Variants in IGSF21 observed in about 807,000 individuals in gnomAD.
IGSF21 encodes immunoglobin superfamily member 21.
IGSF21 carries 28 observed loss-of-function variants against 46.8 expected under a neutral mutation model. The ratio of observed to expected loss-of-function variants is 0.60; its 90% CI spans 0.44 to 0.82. The LOEUF (loss-of-function observed/expected upper bound fraction) is 0.82. Among genes scored for constraint, IGSF21 ranks in the 40% least tolerant of loss-of-function variants. The probability of loss-of-function intolerance (pLI) is 0.00; values close to 1 mark genes in which losing one functional copy is unlikely to be tolerated. For missense variants in IGSF21, 624 were observed against 665.5 expected (o/e 0.94, Z 0.69); for synonymous variants, 284 against 273.6 (o/e 1.04, Z -0.38).
chr1:18,289,971 G>A (rs2124563943), intron 2 of IGSF21, among the ~76,000 whole-genome samples: 1 of 152,332 alleles, frequency 6.6e-6, no homozygotes, highest in East Asian at 1.9e-4. Flanking sequence ...CCCAGGCTGG[G>A]ACATTGGGAT....
chr1:18,253,434 T>C (rs1180099120), intron 2 of IGSF21, among the ~76,000 whole-genome samples: 1 of 152,200 alleles, frequency 6.6e-6, no homozygotes, highest in Non-Finnish European at 1.5e-5. Context: ...CCACAGCCCA[T>C]CAGCCTTGCA....
At chr1:18,233,481 G>C (rs373285478) in intron 2 of IGSF21, among the ~76,000 whole-genome samples, 2 of 152,166 alleles carry the variant, frequency 1.3e-5, no homozygotes, top group Non-Finnish European at 2.9e-5. Flanking sequence ...TTTGACCTTG[G>C]GTGGTGACCT....
rs1273316524 is a variant in IGSF21 at position 18,325,795 on chromosome 1, C to T, written c.306-9097C>T. Among the ~76,000 whole-genome samples the T allele has an allele frequency of 2.6e-5, 4 of 152,184 alleles. No individual in the cohort carries two copies. In the East Asian group the frequency reaches 7.7e-4, roughly 29 times the overall value. ...TCTGCCAGCTACCACAAATGCTACC[C>T]CCAGTAGCTAATCTATTCCCCAGTC... is the stretch of plus-strand genomic sequence containing the variant. On this transcript the variant is annotated intron_variant, in intron 3 of 9. Coordinates refer to ENST00000251296, the MANE Select transcript of IGSF21 (RefSeq NM_032880.5).
chr1:18,276,502 C>G (rs1477516820), intron 2 of IGSF21, among the ~76,000 whole-genome samples: 2 of 152,190 alleles, frequency 1.3e-5, no homozygotes, highest in Admixed American at 1.3e-4. Context: ...TCCGCCAATT[C>G]TATTGGTCAA....
intron 4 of IGSF21, among the ~76,000 whole-genome samples, chr1:18,355,180 C>G (rs866675929): frequency 6.6e-6 from 1 of 152,178 alleles, no homozygotes; most frequent in Admixed American, 6.5e-5. Flanking sequence ...AACTCTAGTA[C>G]TCACAGTTTG....
intron 2 of IGSF21, among the ~76,000 whole-genome samples, chr1:18,242,083 G>A (rs1444066673): frequency 1.4e-5 from 2 of 144,674 alleles, no homozygotes; most frequent in African/African-American, 2.9e-5. Context: ...CCATCTGTCT[G>A]CAGTAGTGCT....
intron 1 of IGSF21, among the ~76,000 whole-genome samples, chr1:18,160,028 C>T (rs1201863458): frequency 1.3e-5 from 2 of 152,152 alleles, no homozygotes; most frequent in African/African-American, 4.8e-5. Context: ...GTACAGCTTC[C>T]CAATGAACAT....
At chr1:18,184,500 T>C (rs2124471431) in intron 1 of IGSF21, among the ~76,000 whole-genome samples, 1 of 152,336 alleles carries the variant, frequency 6.6e-6, no homozygotes, top group East Asian at 1.9e-4. Context: ...TCGAATGAGA[T>C]TCAAATGAGA....
chr1:18,340,481 G>A (rs996078818), intron 4 of IGSF21, among the ~76,000 whole-genome samples: 2 of 152,186 alleles, frequency 1.3e-5, no homozygotes, highest in African/African-American at 2.4e-5. Flanking sequence ...CAGGTGCCAG[G>A]CACAATTCTA....
At chr1:18,192,944 G>A (rs1173383445) in intron 1 of IGSF21, among the ~76,000 whole-genome samples, 1 of 152,092 alleles carries the variant, frequency 6.6e-6, no homozygotes, top group Non-Finnish European at 1.5e-5. Flanking sequence ...CCCTGGCGCT[G>A]AGGATCTGGG....
intron 2 of IGSF21, among the ~76,000 whole-genome samples, chr1:18,287,206 T>G (rs2085222386): frequency 7.1e-6 from 1 of 140,318 alleles, no homozygotes; most frequent in Non-Finnish European, 1.5e-5. Flanking sequence ...AATAAATAAA[T>G]AAATAAAAAT....
chr1:18,187,887 A>G (rs1405021019), intron 1 of IGSF21, among the ~76,000 whole-genome samples: 1 of 152,184 alleles, frequency 6.6e-6, no homozygotes, highest in Middle Eastern at 3.2e-3. Flanking sequence ...GTAAGCGGAC[A>G]CTCAGAATGT....
At chr1:18,359,441 A>AGGAAGG (rs1375457842) in intron 4 of IGSF21, among the ~76,000 whole-genome samples, 1 of 141,446 alleles carries the variant, frequency 7.1e-6, no homozygotes, top group Admixed American at 7.1e-5. Context: ...GAAGGAAGGA[A>AGGAAGG]AAGAGAAAGA....
intron 1 of IGSF21, chr1:18,110,071 C>G (rs994453100): frequency 2.0e-5 from 3 of 152,210 alleles, no homozygotes; most frequent in African/African-American, 7.2e-5. Context: ...CATCCTGACG[C>G]CTCAAATCCC....
intron 1 of IGSF21, among the ~76,000 whole-genome samples, chr1:18,195,911 A>T (rs1416804787): frequency 6.6e-6 from 1 of 152,178 alleles, no homozygotes; most frequent in East Asian, 1.9e-4. Context: ...TATGGGAGGG[A>T]GGCAGAGAAG....
chr1:18,231,526 A>G (rs2084625440), intron 2 of IGSF21, among the ~76,000 whole-genome samples: 1 of 152,212 alleles, frequency 6.6e-6, no homozygotes, highest in Non-Finnish European at 1.5e-5. Flanking sequence ...GAATAGACTC[A>G]AGGAAGTATG....
rs377338601 is a variant in IGSF21 at position 18,307,122 on chromosome 1, A to C, written c.305+15135A>C. ...TTGATTACATATTTCCTTCCTTGAC[A>C]GGGCATTTGTTTGGCCATGTCTTGT... On this transcript the variant is annotated intron_variant, in intron 3 of 9. Coordinates refer to ENST00000251296, the MANE Select transcript of IGSF21 (RefSeq NM_032880.5). 7.1e-4 allele frequency among the ~76,000 whole-genome samples: 107 copies of C among 150,528 alleles called. 2 individuals are homozygous for C. The South Asian group carries it at 0.021, about 30-fold the overall frequency.
At chr1:18,178,085 C>T (rs917708322) in intron 1 of IGSF21, among the ~76,000 whole-genome samples, 7 of 151,348 alleles carry the variant, frequency 4.6e-5, no homozygotes, top group Admixed American at 2.6e-4. Flanking sequence ...GAAAGGAAGG[C>T]GGGGAAGTGG....
At chr1:18,358,694 C>T (rs932937221) in intron 4 of IGSF21, among the ~76,000 whole-genome samples, 2 of 152,254 alleles carry the variant, frequency 1.3e-5, no homozygotes, top group African/African-American at 2.4e-5. Context: ...TTTCAAAACA[C>T]TTTGCAGGCA....
Sources: gnomAD v4.1 joint callset for allele counts (sites outside exome capture counted in the v4.1 genomes callset) on GRCh38, gnomAD v4.1.1 for gene constraint, MANE v1.5 for transcripts, NCBI Gene and HGNC (gene_info 2026-07-23, HGNC 2026-07-21) for gene names.